PHLPP2: variants seen among roughly 807,000 people sequenced by gnomAD.
The protein encoded by PHLPP2 is PH domain and leucine rich repeat protein phosphatase 2, also known as PH domain leucine-rich repeat-containing protein phosphatase 2.
PHLPP2 carries 66 observed loss-of-function variants against 124.9 expected under a neutral mutation model. That is an observed-to-expected ratio of 0.53 (90% confidence interval 0.43 to 0.65). The LOEUF is 0.65. Ranked by LOEUF, PHLPP2 falls within the 30% of genes least tolerant of loss-of-function variation. The pLI is 0.00. For missense variants in PHLPP2, 1,685 were observed against 1,600.4 expected (o/e 1.05, Z -0.90); for synonymous variants, 681 against 624.7 (o/e 1.09, Z -1.34).
intron 17 of PHLPP2, 191 bp downstream of exon 17, chr16:71,655,049 A>AC (rs750045197): frequency 5.5e-5 from 29 of 524,768 alleles, no homozygotes; most frequent in Admixed American, 4.4e-4. Context: ...AAAACAGATG[A>AC]CCCCCACAGG....
Position 71,678,917 on chromosome 16 carries a change from T to C in PHLPP2, c.1106A>G (p.Gln369Arg). The C allele has an allele frequency of 6.2e-7, 1 of 1,613,410 alleles. No individual in the cohort carries two copies. Among genetic ancestry groups the C allele is most frequent in the Non-Finnish European group, 8.5e-7 (1 of 1,179,378 alleles). The part of the protein sequence containing the change: ...TLPEELGNLQ[Q>R]LSSLGISFNN... ...GAAGGAAATTCCCAAGGAGGAAAGC[T>C]GTTGTAGATTTCCCAATTCTTCAGG... The change falls in exon 8 of 19, where the codon CAG (glutamine) becomes CGG (arginine). Residue 369 changes from glutamine to arginine, a missense_variant. Physicochemically the swap from Gln to Arg is conservative, Grantham distance 43. Transcript: ENST00000568954.
chr16:71,658,791 C>T lies in PHLPP2; in HGVS notation c.2010G>A (p.Leu670=), dbSNP rs1468069404. 2.5e-6 allele frequency: 4 copies of T among 1,613,964 alleles called. No individual in the cohort carries two copies. The Admixed American group carries it at 6.7e-5, about 27-fold the overall frequency. ...TGTTGCCACTTAGGTTCAGTTCCTC[C>T]AATTGCTCCAATTTATTTAGTTTGC... ...PASKLNKLEQ[L]EELNLSGNKL... Residue 670 remains leucine (L), a synonymous_variant, in exon 14 of 19, where the codon TTG becomes TTA. Coordinates refer to ENST00000568954, the MANE Select transcript of PHLPP2 (RefSeq NM_015020.3).
At position 71,724,412 on chromosome 16, in the gene PHLPP2, G is replaced by C. The variant is rs1488343865; in HGVS notation, c.-90C>G. 1 of 152,218 alleles carries C rather than the reference G, an allele frequency of 6.6e-6. No homozygotes were observed. 9.4% of individuals were successfully genotyped at this position (152,218 alleles called of 1,614,324 possible). ...CAACCCAACCTCGTACAAAACGTCCGCTCACCTCCCAGCCATGTTTTAATT... is the reference window on the plus strand; with the variant it reads ...CAACCCAACCTCGTACAAAACGTCCCCTCACCTCCCAGCCATGTTTTAATT... On this transcript the variant is annotated 5_prime_UTR_variant, in exon 1 of 19. Coordinates refer to ENST00000568954, the MANE Select transcript of PHLPP2 (RefSeq NM_015020.3).
intron 1 of PHLPP2, among the ~76,000 whole-genome samples, chr16:71,715,687 A>G (rs534696847): frequency 6.6e-6 from 1 of 151,624 alleles, no homozygotes; most frequent in African/African-American, 2.4e-5. Context: ...TCAAAAAAAA[A>G]GAAACTTTAG....
chr16:71,702,138 C>A (rs2045238542), intron 3 of PHLPP2, among the ~76,000 whole-genome samples: 1 of 152,018 alleles, frequency 6.6e-6, no homozygotes, highest in Non-Finnish European at 1.5e-5. Context: ...AAATATTTTT[C>A]TCAGAAGAGT....
intron 2 of PHLPP2, among the ~76,000 whole-genome samples, chr16:71,707,652 G>T (rs2045287195): frequency 6.6e-6 from 1 of 152,198 alleles, no homozygotes; most frequent in Non-Finnish European, 1.5e-5. Context: ...CGATATGGTA[G>T]GAGGGTGACA....
intron 3 of PHLPP2, among the ~76,000 whole-genome samples, chr16:71,696,941 G>A (rs1424553707): frequency 1.3e-5 from 2 of 151,956 alleles, no homozygotes; most frequent in South Asian, 4.1e-4. Flanking sequence ...TTGGGAGGCC[G>A]AGGTAGGCGG....
chr16:71,701,180 C>T (rs750763677), intron 3 of PHLPP2, among the ~76,000 whole-genome samples: 2 of 152,112 alleles, frequency 1.3e-5, no homozygotes, highest in Non-Finnish European at 2.9e-5. Context: ...TTCTGGCCCA[C>T]AAAAACTATA....
chr16:71,665,578 A>C (rs1258109535), intron 12 of PHLPP2, among the ~76,000 whole-genome samples: 1 of 152,194 alleles, frequency 6.6e-6, no homozygotes, highest in Non-Finnish European at 1.5e-5. Flanking sequence ...TTGAAATATA[A>C]GTTTTACATA....
intron 2 of PHLPP2, among the ~76,000 whole-genome samples, chr16:71,706,874 C>T (rs1283657385): frequency 6.6e-6 from 1 of 150,496 alleles, no homozygotes; most frequent in East Asian, 1.9e-4. Flanking sequence ...CACCAAGAAA[C>T]CTAAAAAAGC....
At position 71,647,752 on chromosome 16, in the gene PHLPP2, A is replaced by ATCTAGGGAGAAGTAG. The variant is rs1179963070; in HGVS notation, c.*1123_*1137dup. ...GTCAAGGGGTAATTCTCTTTTTCTG[A>ATCTAGGGAGAAGTAG]TCTAGGGAGAAGTAGTCTAGGTCCT... On this transcript the variant is annotated 3_prime_UTR_variant, in exon 19 of 19. Transcript: ENST00000568954. The ATCTAGGGAGAAGTAG allele has an allele frequency of 1.2e-4, 18 of 152,134 alleles. No individual in the cohort carries two copies. The highest frequency in any genetic ancestry group is 3.9e-4 in the African/African-American group (16 of 41,422). 9.4% of individuals were successfully genotyped at this position (152,134 alleles called of 1,614,324 possible).
intron 2 of PHLPP2, among the ~76,000 whole-genome samples, chr16:71,704,320 A>C (rs2045257814): frequency 6.6e-6 from 1 of 151,050 alleles, no homozygotes; most frequent in Non-Finnish European, 1.5e-5. Flanking sequence ...AAAAAAAAAA[A>C]AAAAACTTAA....
At chr16:71,679,082 T>A in intron 7 of PHLPP2, 97 bp from the exon 8 acceptor site, 1 of 707,200 alleles carries the variant, frequency 1.4e-6, no homozygotes, top group Admixed American at 2.5e-5. Context: ...ACTAATTTAT[T>A]ATCAATCCCA....
rs1260066456 is a variant in PHLPP2, at chr16:71,667,255, G to A, written c.1707C>T (p.His569=). The A allele has an allele frequency of 1.2e-6, 2 of 1,613,680 alleles. No homozygotes were observed. The highest frequency in any genetic ancestry group is 1.7e-6 in the Non-Finnish European group (2 of 1,179,748). ...GAAGATCCAGCACCTCGAGGGGGAT[G>A]TGCTCTACCAGTGTTGGAAGGTTTT... is the stretch of plus-strand genomic sequence containing the variant. ...HVQNLPTLVE[H]IPLEVLDLQH... Residue 569 remains histidine, a synonymous_variant, in exon 12 of 19, where the codon CAC becomes CAT. Coordinates refer to ENST00000568954, the MANE Select transcript of PHLPP2 (RefSeq NM_015020.3).
intron 1 of PHLPP2, chr16:71,723,673 C>T: frequency 1.9e-6 from 1 of 520,244 alleles, no homozygotes; most frequent in Non-Finnish European, 3.0e-6. Flanking sequence ...CTGCGCGGGG[C>T]GGGGGCGGCA....
At chr16:71,718,261 T>C (rs891037095) in intron 1 of PHLPP2, among the ~76,000 whole-genome samples, 1 of 152,150 alleles carries the variant, frequency 6.6e-6, no homozygotes, top group African/African-American at 2.4e-5. Flanking sequence ...AGATTATAAA[T>C]TCCTTAAGGA....
intron 1 of PHLPP2, 52 bp from the exon 2 acceptor site, chr16:71,714,853 A>G: frequency 6.4e-7 from 1 of 1,563,468 alleles, no homozygotes; most frequent in Non-Finnish European, 8.6e-7. Flanking sequence ...TGACTGAATT[A>G]GACATTTCAG....
Position 71,649,311 on chromosome 16 carries a change from G to T in PHLPP2, c.3551C>A (p.Pro1184His). The T allele has an allele frequency of 6.2e-7, 1 of 1,613,820 alleles. No homozygotes were observed. Among genetic ancestry groups the T allele is most frequent in the South Asian group, 1.1e-5 (1 of 91,084 alleles). The part of the protein sequence containing the change: ...CRGRDLENSP[P>H]LIESSPTLCS... ...CAGGGTAGGAGAACTCTCTATGAGA[G>T]GGGGTGAGTTCTCCAGATCCCTCCC... The change falls in exon 19 of 19, where the codon CCT becomes CAT. Residue 1184 changes from proline to histidine, a missense_variant. Transcript: ENST00000568954.
At chr16:71,684,647 T>A (rs776197424) in intron 4 of PHLPP2, 46 bp from the exon 5 acceptor site, 2 of 1,506,202 alleles carry the variant, frequency 1.3e-6, no homozygotes, top group Non-Finnish European at 1.8e-6. Flanking sequence ...AAAAAAAAAA[T>A]CCTAGTCAAA....
Sources: allele counts gnomAD v4.1 joint callset (sites outside exome capture counted in the v4.1 genomes callset), GRCh38; gene constraint gnomAD v4.1.1; transcripts MANE v1.5; gene names NCBI Gene and HGNC (gene_info 2026-07-23, HGNC 2026-07-21).